The following SETBP1 variants were observed in gnomAD, a reference collection of about 807,000 sequenced individuals.
The protein encoded by SETBP1 is SET binding protein 1.
Under a neutral mutation model 101.0 loss-of-function variants are expected in SETBP1, and 9 were observed. The ratio of observed to expected loss-of-function variants is 0.09; its 90% CI spans 0.05 to 0.16. SETBP1 has a LOEUF of 0.16. SETBP1 is among the 10% of genes least tolerant of loss of function. The pLI, the probability that SETBP1 is intolerant of heterozygous loss-of-function variation, is 1.00. For missense variants in SETBP1, 1,858 were observed against 2,033.8 expected (o/e 0.91, Z 1.66); for synonymous variants, 818 against 788.5 (o/e 1.04, Z -0.63).
At chr18:44,737,854 G>C (rs569659125) in intron 2 of SETBP1, among the ~76,000 whole-genome samples, 2 of 152,262 alleles carry the variant, frequency 1.3e-5, no homozygotes, top group Admixed American at 1.3e-4. Context: ...CATCAGCATG[G>C]GCCAAACTGA....
chr18:44,690,136 G>T (rs894197903), intron 1 of SETBP1, among the ~76,000 whole-genome samples: 3 of 152,202 alleles, frequency 2.0e-5, no homozygotes, highest in Non-Finnish European at 4.4e-5. Flanking sequence ...GGCCGCTCTG[G>T]GGAACATAAA....
intron 3 of SETBP1, among the ~76,000 whole-genome samples, chr18:44,930,993 T>A (rs1294764324): frequency 6.6e-6 from 1 of 152,200 alleles, no homozygotes; most frequent in African/African-American, 2.4e-5. Flanking sequence ...TTTGAATGTA[T>A]TTGCTCTTGC....
At chr18:44,813,645 G>T (rs544447633) in intron 2 of SETBP1, among the ~76,000 whole-genome samples, 1 of 152,268 alleles carries the variant, frequency 6.6e-6, no homozygotes, top group African/African-American at 2.4e-5. Flanking sequence ...GGAAACTTAC[G>T]CAGCTTTTGC....
At chr18:45,035,408 T>C (rs1320869489) in intron 4 of SETBP1, among the ~76,000 whole-genome samples, 1 of 152,246 alleles carries the variant, frequency 6.6e-6, no homozygotes, top group East Asian at 1.9e-4. Context: ...ATCTAAATTA[T>C]AGAATGTTTT....
chr18:44,827,242 A>G (rs921673247), intron 2 of SETBP1, among the ~76,000 whole-genome samples: 6 of 152,356 alleles, frequency 3.9e-5, no homozygotes, highest in Non-Finnish European at 8.8e-5. Flanking sequence ...ATAGTTTCCG[A>G]AAGAAAAATA....
At chr18:44,893,349 G>A (rs2069815772) in intron 3 of SETBP1, among the ~76,000 whole-genome samples, 1 of 152,142 alleles carries the variant, frequency 6.6e-6, no homozygotes, top group Non-Finnish European at 1.5e-5. Flanking sequence ...TTGGGGGTAG[G>A]TTCTATGAAT....
At chr18:45,021,397 G>A (rs1023453119) in intron 4 of SETBP1, among the ~76,000 whole-genome samples, 3 of 152,056 alleles carry the variant, frequency 2.0e-5, no homozygotes, top group African/African-American at 4.8e-5. Flanking sequence ...TCCCCAACTC[G>A]CTCTCCTGGT....
chr18:44,728,228 A>T (rs1313695238), intron 2 of SETBP1, among the ~76,000 whole-genome samples: 1 of 152,242 alleles, frequency 6.6e-6, no homozygotes, highest in East Asian at 1.9e-4. Context: ...AGAGCAGGAC[A>T]ATCAAGAGAC....
chr18:44,832,832 A>G (rs1450631413), intron 2 of SETBP1, among the ~76,000 whole-genome samples: 1 of 152,224 alleles, frequency 6.6e-6, no homozygotes, highest in African/African-American at 2.4e-5. Flanking sequence ...CACAAAATGC[A>G]TGCTGTTCTG....
At chr18:44,761,245 A>G (rs991286709) in intron 2 of SETBP1, among the ~76,000 whole-genome samples, 1 of 152,198 alleles carries the variant, frequency 6.6e-6, no homozygotes, top group Non-Finnish European at 1.5e-5. Context: ...TATACATTAC[A>G]TTAAACATTT....
intron 3 of SETBP1, chr18:44,877,457 T>C: frequency 2.4e-6 from 2 of 825,260 alleles, no homozygotes; most frequent in Non-Finnish European, 2.9e-6. Flanking sequence ...TATGTGAATA[T>C]TTGTAATAGG....
chr18:44,983,841 A>C (rs1243762240), intron 4 of SETBP1, among the ~76,000 whole-genome samples: 3 of 152,086 alleles, frequency 2.0e-5, no homozygotes, highest in Non-Finnish European at 4.4e-5. Context: ...CCTTTTCTCA[A>C]CTTCAATTTT....
chr18:44,799,508 T>A (rs963116670), intron 2 of SETBP1, among the ~76,000 whole-genome samples: 3 of 152,186 alleles, frequency 2.0e-5, no homozygotes, highest in Non-Finnish European at 4.4e-5. Flanking sequence ...TGTGTGCTTA[T>A]TGAAATGATG....
chr18:44,875,291 C>G (rs138985367), intron 3 of SETBP1, among the ~76,000 whole-genome samples: 1 of 151,930 alleles, frequency 6.6e-6, no homozygotes, highest in Non-Finnish European at 1.5e-5. Flanking sequence ...GAGGCCAAGG[C>G]GGGTGGATCA....
chr18:44,734,958 C>T (rs2069931241), intron 2 of SETBP1, among the ~76,000 whole-genome samples: 1 of 152,116 alleles, frequency 6.6e-6, no homozygotes, highest in African/African-American at 2.4e-5. Flanking sequence ...TAGACAATAT[C>T]GAAGTGTGTT....
intron 2 of SETBP1, among the ~76,000 whole-genome samples, chr18:44,714,527 A>C (rs937214518): frequency 6.6e-6 from 1 of 151,924 alleles, no homozygotes; most frequent in Non-Finnish European, 1.5e-5. Context: ...TATTAATATC[A>C]AAACAGCTCC....
intron 2 of SETBP1, among the ~76,000 whole-genome samples, chr18:44,826,478 C>T (rs1201648813): frequency 6.6e-6 from 1 of 152,130 alleles, no homozygotes; most frequent in South Asian, 2.1e-4. Context: ...CCCAGGTTGC[C>T]TCACAGAGAA....
intron 2 of SETBP1, among the ~76,000 whole-genome samples, chr18:44,764,460 T>C (rs1200875511): frequency 1.3e-5 from 2 of 152,082 alleles, no homozygotes; most frequent in African/African-American, 4.8e-5. Flanking sequence ...TCTTCTTCTT[T>C]CTTCGTTCTT....
chr18:44,931,198 C>T (rs2070825689), intron 3 of SETBP1, among the ~76,000 whole-genome samples: 1 of 152,058 alleles, frequency 6.6e-6, no homozygotes, highest in South Asian at 2.1e-4. Context: ...CATTATGTAC[C>T]CAGTAGTCAT....
Sources: gnomAD v4.1 joint callset for allele counts (sites outside exome capture counted in the v4.1 genomes callset) on GRCh38, gnomAD v4.1.1 for gene constraint, MANE v1.5 for transcripts, NCBI Gene and HGNC (gene_info 2026-07-23, HGNC 2026-07-21) for gene names.